GALNT15: variants seen among roughly 807,000 people sequenced by gnomAD.
The protein encoded by GALNT15 is polypeptide N-acetylgalactosaminyltransferase 15.
GALNT15 carries 67 observed loss-of-function variants against 66.8 expected under a neutral mutation model. That is an observed-to-expected ratio of 1.00 (90% CI 0.82 to 1.23). GALNT15 has a LOEUF of 1.23. Among genes scored for constraint, GALNT15 ranks in the 50% most tolerant of loss-of-function variants. The pLI, the probability that GALNT15 is intolerant of heterozygous loss-of-function variation, is 0.00. For synonymous variants in GALNT15, 313 were observed against 311.5 expected (o/e 1.00, Z -0.05); for missense variants, 827 against 804.3 (o/e 1.03, Z -0.34).
At chr3:16,202,201 A>G (rs2063711244) in intron 3 of GALNT15, among the ~76,000 whole-genome samples, 1 of 152,276 alleles carries the variant, frequency 6.6e-6, no homozygotes, top group South Asian at 2.1e-4. Flanking sequence ...TTAACAAAGA[A>G]GAACAATCGG....
intron 1 of GALNT15, among the ~76,000 whole-genome samples, chr3:16,192,663 A>G (rs149935052): frequency 1.5e-3 from 233 of 152,348 alleles, no homozygotes; most frequent in Non-Finnish European, 2.5e-3. Flanking sequence ...CAGCCCCACC[A>G]GGGGAGAAGG....
In GALNT15 at chr3:16,229,614, G is replaced by A; in HGVS notation, c.*2114G>A. 1 of 985,316 alleles carries A rather than the reference G, an allele frequency of 1.0e-6. No individual in the cohort carries two copies. Among genetic ancestry groups the A allele is most frequent in the Non-Finnish European group, 1.2e-6 (1 of 829,912 alleles). The allele number at this position is 985,316 out of a possible 1,614,324, so 61.0% of individuals were successfully genotyped here. A position where few individuals can be genotyped will look rare whatever the true frequency, so the allele number is the denominator to read the frequency against. On this transcript the variant is annotated 3_prime_UTR_variant, in exon 10 of 10. Transcript: ENST00000339732. ...ATTCTCAGATGGCGACCGTGTAAAT[G>A]GTATTAGCGGCTGAAGAAAAAAAAT... is the stretch of plus-strand genomic sequence containing the variant.
the GALNT15 span, among the ~76,000 whole-genome samples, chr3:16,237,866 A>G: frequency 6.6e-6 from 1 of 152,116 alleles, no homozygotes; most frequent in Non-Finnish European, 1.5e-5. This position sits in a 1 kb window ranked among gnomAD's most constrained non-coding sequence, Gnocchi z 4.2. Flanking sequence ...CCCCTCACAG[A>G]CTGGTTTACG....
In GALNT15 at chr3:16,209,638, C is replaced by T. The variant is rs185230155; in HGVS notation, c.1079+968C>T. Among the ~76,000 whole-genome samples, 254 of 152,042 alleles carry T rather than the reference C, an allele frequency of 1.7e-3. 1 individual carries two copies. The highest frequency in any genetic ancestry group is 2.9e-3 in the Admixed American group (44 of 15,280). The stretch of plus-strand genomic sequence containing the variant: ...TTCGAGACCAACCTGGCCATCATGG[C>T]GAAACCCCATCTCTACTAAAATTAC... On this transcript the variant is annotated intron_variant, in intron 4 of 9. Coordinates refer to ENST00000339732, the MANE Select transcript of GALNT15 (RefSeq NM_054110.5). The surrounding 1 kb of genome is among the most constrained non-coding windows in gnomAD (Gnocchi z 4.1).
intron 1 of GALNT15, among the ~76,000 whole-genome samples, chr3:16,190,707 G>A (rs2063567770): frequency 6.6e-6 from 1 of 151,458 alleles, no homozygotes; most frequent in African/African-American, 2.4e-5. Flanking sequence ...CAGGCCCTGA[G>A]ACACAAGACT....
intron 2 of GALNT15, among the ~76,000 whole-genome samples, chr3:16,198,469 C>T (rs997098293): frequency 1.4e-5 from 2 of 141,590 alleles, no homozygotes; most frequent in East Asian, 2.1e-4. Flanking sequence ...TTAGCTGTCC[C>T]GAGAAACATC....
intron 1 of GALNT15, among the ~76,000 whole-genome samples, chr3:16,177,623 A>G (rs2063423917): frequency 6.6e-6 from 1 of 152,160 alleles, no homozygotes; most frequent in African/African-American, 2.4e-5. Flanking sequence ...ATGTGTGTTA[A>G]TGTGCATGTA....
Position 16,180,351 on chromosome 3 carries a change from T to C in GALNT15, c.539+4661T>C, listed in dbSNP as rs1037834274. Reference sequence around the variant, plus strand: ...TTCTAGGCATCCTGTTAAAATGCAGTCAAATTCAGCAGGTCAGGAGGGCAG... The same window carrying C: ...TTCTAGGCATCCTGTTAAAATGCAGCCAAATTCAGCAGGTCAGGAGGGCAG... On this transcript the variant is annotated intron_variant, in intron 1 of 9. Transcript: ENST00000339732. The surrounding 1 kb of genome is among the most constrained non-coding windows in gnomAD (Gnocchi z 5.0). Among the ~76,000 whole-genome samples the C allele has an allele frequency of 3.9e-5, 6 of 152,218 alleles. No homozygotes were observed. Among genetic ancestry groups the C allele is most frequent in the Non-Finnish European group, 8.8e-5 (6 of 68,038 alleles).
chr3:16,248,214 C>T, the GALNT15 span, among the ~76,000 whole-genome samples: 2 of 152,204 alleles, frequency 1.3e-5, no homozygotes, highest in African/African-American at 4.8e-5. This position sits in a 1 kb window ranked among gnomAD's most constrained non-coding sequence, Gnocchi z 4.9. Context: ...AATAAACATC[C>T]TCGTGGTCTA....
In GALNT15 at chr3:16,211,314, G is replaced by C; in HGVS notation, c.1197+73G>C. The C allele has an allele frequency of 1.0e-6, 1 of 956,218 alleles. No homozygotes were observed. The highest frequency in any genetic ancestry group is 1.7e-6 in the Non-Finnish European group (1 of 591,060). 59.2% of individuals were successfully genotyped at this position (956,218 alleles called of 1,614,324 possible). On this transcript the variant is annotated intron_variant, in intron 5 of 9. Coordinates refer to ENST00000339732, the MANE Select transcript of GALNT15 (RefSeq NM_054110.5). The surrounding 1 kb of genome is among the most constrained non-coding windows in gnomAD (Gnocchi z 4.3). ...GTGTATGGTCACAGCTCAGAGGCAG[G>C]CATTAGAAATGTCACTGGGAAGGAA...
intron 6 of GALNT15, 111 bp downstream of exon 6, chr3:16,212,874 C>A: frequency 1.1e-6 from 1 of 934,468 alleles, no homozygotes; most frequent in Non-Finnish European, 1.6e-6. Flanking sequence ...AAGATTCTGG[C>A]TTGAGCTTCC....
chr3:16,217,699 C>T (rs1444995883), intron 6 of GALNT15, among the ~76,000 whole-genome samples: 1 of 152,112 alleles, frequency 6.6e-6, no homozygotes, highest in African/African-American at 2.4e-5. Flanking sequence ...TCATTGTCAG[C>T]CTGCCCCTCA....
downstream of GALNT15, among the ~76,000 whole-genome samples, chr3:16,235,997 C>T (rs1448956026): frequency 2.0e-5 from 3 of 148,644 alleles, no homozygotes; most frequent in Non-Finnish European, 3.0e-5. Context: ...CCCATCTACT[C>T]GGGAGGCTGA....
In GALNT15 at chr3:16,227,253, T is replaced by G; in HGVS notation, c.1774-101T>G. The stretch of plus-strand genomic sequence containing the variant: ...CCTTTCCAGGCCAGTTCACACCATC[T>G]GTTATTCTCTTAATGATTAGCACAA... On this transcript the variant is annotated intron_variant, in intron 9 of 9. Coordinates refer to ENST00000339732, the MANE Select transcript of GALNT15 (RefSeq NM_054110.5). The surrounding 1 kb of genome is among the most constrained non-coding windows in gnomAD (Gnocchi z 4.5). 4 of 1,233,178 alleles carry G rather than the reference T, an allele frequency of 3.2e-6. No individual in the cohort carries two copies. Among genetic ancestry groups the G allele is most frequent in the Non-Finnish European group, 4.5e-6 (4 of 885,230 alleles). The allele number at this position is 1,233,178 out of a possible 1,614,324, so 76.4% of individuals were successfully genotyped here.
At chr3:16,245,329 G>A in the GALNT15 span, among the ~76,000 whole-genome samples, 2 of 152,154 alleles carry the variant, frequency 1.3e-5, no homozygotes, top group Admixed American at 6.5e-5. Flanking sequence ...CTGCTTTCAG[G>A]GAAACCCAAA....
Position 16,200,149 on chromosome 3 carries a change from C to A in GALNT15, c.707-470C>A, listed in dbSNP as rs1322506680. Among the ~76,000 whole-genome samples, 2 of 152,082 alleles carry A rather than the reference C, an allele frequency of 1.3e-5. No homozygotes were observed. Among genetic ancestry groups the A allele is most frequent in the Non-Finnish European group, 2.9e-5 (2 of 68,024 alleles). On this transcript the variant is annotated intron_variant, in intron 2 of 9. Coordinates refer to ENST00000339732, the MANE Select transcript of GALNT15 (RefSeq NM_054110.5). The surrounding 1 kb of genome is among the most constrained non-coding windows in gnomAD (Gnocchi z 4.4). ...AGAGAGGAGGAAAAACTATCAAACA[C>A]TTATATAATCATCAGATCTCATGAG...
intron 1 of GALNT15, among the ~76,000 whole-genome samples, chr3:16,185,557 A>G (rs373846646): frequency 1.3e-5 from 2 of 152,346 alleles, no homozygotes; most frequent in African/African-American, 4.8e-5. Context: ...GCACATTTGT[A>G]AGGCAGCCAA....
chr3:16,175,211 C>T lies in GALNT15; in HGVS notation c.60C>T (p.Leu20=), dbSNP rs778155930. 6 of 1,614,064 alleles carry T rather than the reference C, an allele frequency of 3.7e-6. No individual in the cohort carries two copies. The highest frequency in any genetic ancestry group is 2.7e-5 in the African/African-American group (2 of 74,906). ...RPCRLQFLLL[L]LMLGCVLMMV... ...GCAGACTCCAGTTCCTCCTGCTGCT[C>T]CTGATGCTGGGATGCGTCCTGATGA... is the stretch of plus-strand genomic sequence containing the variant. Residue 20 remains leucine, a synonymous_variant, in exon 1 of 10, where the codon CTC becomes CTT. Coordinates refer to ENST00000339732, the MANE Select transcript of GALNT15 (RefSeq NM_054110.5). This position sits in a 1 kb window ranked among gnomAD's most constrained non-coding sequence, Gnocchi z 5.6.
chr3:16,177,163 G>C (rs1181886473), intron 1 of GALNT15, among the ~76,000 whole-genome samples: 2 of 152,182 alleles, frequency 1.3e-5, no homozygotes, highest in Non-Finnish European at 1.5e-5. Context: ...GACTGAGTTT[G>C]TATTGTACAT....
Sources: gnomAD v4.1 joint callset for allele counts (sites outside exome capture counted in the v4.1 genomes callset) on GRCh38, gnomAD v4.1.1 for gene constraint, Gnocchi (gnomAD v3.1) non-coding constraint, MANE v1.5 for transcripts, NCBI Gene and HGNC (gene_info 2026-07-23, HGNC 2026-07-21) for gene names.